RAD21L1: variants seen among roughly 807,000 people sequenced by gnomAD.
RAD21L1 encodes RAD21 cohesin complex component like 1.
Under a neutral mutation model 69.0 loss-of-function variants are expected in RAD21L1, and 47 were observed. The ratio of observed to expected loss-of-function variants is 0.68; its 90% CI spans 0.54 to 0.87. The LOEUF (loss-of-function observed/expected upper bound fraction) is 0.87, where lower values mean the gene tolerates loss of function less well. Ranked by LOEUF, RAD21L1 falls within the 40% of genes least tolerant of loss-of-function variation. The probability of loss-of-function intolerance (pLI) is 0.00; values close to 1 mark genes in which losing one functional copy is unlikely to be tolerated. For missense variants in RAD21L1, 583 were observed against 647.6 expected, an observed-to-expected ratio of 0.90 and a Z score of 1.08; for synonymous variants, 177 against 205.8, an observed-to-expected ratio of 0.86 and a Z score of 1.20.
chr20:1,249,872 A>G (rs993448110), intron 13 of RAD21L1, among the ~76,000 whole-genome samples: 1 of 151,836 alleles, frequency 6.6e-6, no homozygotes, highest in East Asian at 1.9e-4. Flanking sequence ...TTTTATTATT[A>G]TACTTTAAGT....
At position 1,248,610 on chromosome 20, in the gene RAD21L1, T is replaced by G. The variant is rs1208750831; in HGVS notation, c.1402-16T>G. On this transcript the variant is annotated splice_polypyrimidine_tract_variant and intron_variant, in intron 12 of 13. Coordinates refer to ENST00000683101, the MANE Select transcript of RAD21L1 (RefSeq NM_001384355.1). ...AAATTTGCTTAAATTAAATATTTTA[T>G]CTATCATTCAAACAGGAGTCATTGA... 9 of 1,450,048 alleles carry G rather than the reference T, an allele frequency of 6.2e-6. No homozygotes were observed. The highest frequency in any genetic ancestry group is 1.9e-6 in the Non-Finnish European group (2 of 1,066,958). The allele number at this position is 1,450,048 out of a possible 1,614,324, so 89.8% of individuals were successfully genotyped here. A position where few individuals can be genotyped will look rare whatever the true frequency, so the allele number is the denominator to read the frequency against.
At chr20:1,250,734 G>A (rs2087811433) in intron 13 of RAD21L1, among the ~76,000 whole-genome samples, 1 of 152,084 alleles carries the variant, frequency 6.6e-6, no homozygotes, top group African/African-American at 2.4e-5. Context: ...TTTGCTCAGT[G>A]TCTATAAACC....
At chr20:1,244,763 AATAT>A (rs2087686638) in intron 11 of RAD21L1, among the ~76,000 whole-genome samples, 1 of 152,186 alleles carries the variant, frequency 6.6e-6, no homozygotes, top group Non-Finnish European at 1.5e-5. Flanking sequence ...TACAAATATA[AATAT>A]TATAGCCACA....
At chr20:1,229,797 T>C (rs2087353048) in intron 2 of RAD21L1, 83 bp from the exon 3 acceptor site, 20 of 1,080,490 alleles carry the variant, frequency 1.9e-5, no homozygotes, top group South Asian at 1.5e-4. Context: ...AGAGAACCAA[T>C]TCTTACGATG....
At chr20:1,229,174 G>A (rs930431693) in intron 2 of RAD21L1, among the ~76,000 whole-genome samples, 3 of 152,198 alleles carry the variant, frequency 2.0e-5, no homozygotes, top group African/African-American at 7.2e-5. Flanking sequence ...ACAACCCTAT[G>A]AGGTTGGCTT....
intron 7 of RAD21L1, among the ~76,000 whole-genome samples, 183 bp downstream of exon 7, chr20:1,239,590 G>C (rs1168616311): frequency 1.3e-5 from 2 of 152,102 alleles, no homozygotes; most frequent in Admixed American, 6.5e-5. Flanking sequence ...TACACTGAAG[G>C]GTATTTAGCC....
intron 3 of RAD21L1, 36 bp downstream of exon 3, chr20:1,230,045 TC>T: frequency 6.7e-7 from 1 of 1,495,764 alleles, no homozygotes; most frequent in Non-Finnish European, 9.0e-7. Context: ...CCTTCTTGGT[TC>T]CCTTTTGCAT....
intron 13 of RAD21L1, among the ~76,000 whole-genome samples, chr20:1,250,791 C>A (rs992814265): frequency 6.6e-6 from 1 of 152,126 alleles, no homozygotes; most frequent in Non-Finnish European, 1.5e-5. Flanking sequence ...CAAACTCTGA[C>A]AAAAATACCA....
intron 13 of RAD21L1, among the ~76,000 whole-genome samples, chr20:1,249,103 A>G (rs2087774780): frequency 6.6e-6 from 1 of 152,192 alleles, no homozygotes; most frequent in Admixed American, 6.5e-5. Context: ...GCACCATGCA[A>G]TAAGGCTGAA....
intron 13 of RAD21L1, among the ~76,000 whole-genome samples, chr20:1,253,038 G>C (rs1490064781): frequency 6.6e-6 from 1 of 152,118 alleles, no homozygotes; most frequent in Non-Finnish European, 1.5e-5. Context: ...TCTCTCCCAG[G>C]GGGGAAAAGC....
At chr20:1,247,182 C>T (rs1232714151) in intron 12 of RAD21L1, among the ~76,000 whole-genome samples, 1 of 152,118 alleles carries the variant, frequency 6.6e-6, no homozygotes, top group East Asian at 1.9e-4. Context: ...CATACATGGT[C>T]AAGCAAACCA....
chr20:1,254,386 A>C lies in RAD21L1; in HGVS notation c.1597A>C (p.Ile533Leu), dbSNP rs141028795. Reference protein sequence around the residue: ...SFLVLKKQLAIELSQSAPYAD... With the variant: ...SFLVLKKQLALELSQSAPYAD... ...TCTTGTCCTAAAGAAACAGCTGGCTATTGAGCTGAGCCAGAGTGCTCCCTA... is the reference window on the plus strand; with the variant it reads ...TCTTGTCCTAAAGAAACAGCTGGCTCTTGAGCTGAGCCAGAGTGCTCCCTA... Residue 533 changes from isoleucine (I) to leucine (L), a missense_variant, in exon 14 of 14, where the codon ATT becomes CTT. Ile to Leu is a conservative substitution (Grantham distance 5, BLOSUM62 2). Coordinates refer to ENST00000683101, the MANE Select transcript of RAD21L1 (RefSeq NM_001384355.1). The C allele has an allele frequency of 4.0e-4, 618 of 1,551,448 alleles. 5 individuals carry two copies. The African/African-American group carries it at 7.4e-3, about 19-fold the overall frequency.
At chr20:1,250,358 C>T (rs1229366686) in intron 13 of RAD21L1, among the ~76,000 whole-genome samples, 4 of 151,956 alleles carry the variant, frequency 2.6e-5, no homozygotes, top group African/African-American at 9.7e-5. Context: ...CACCCATTAA[C>T]TCATCATTTA....
At chr20:1,242,934 A>G (rs2087645193) in intron 9 of RAD21L1, 89 bp downstream of exon 9, 2 of 978,642 alleles carry the variant, frequency 2.0e-6, no homozygotes, top group Non-Finnish European at 3.1e-6. Flanking sequence ...ACATACATAT[A>G]TAACAGAATT....
At chr20:1,239,134 A>C (rs1298616255) in intron 6 of RAD21L1, among the ~76,000 whole-genome samples, 178 bp from the exon 7 acceptor site, 1 of 152,102 alleles carries the variant, frequency 6.6e-6, no homozygotes, top group East Asian at 1.9e-4. Context: ...GCCAAAATGC[A>C]CGTTTTAAAG....
intron 5 of RAD21L1, among the ~76,000 whole-genome samples, chr20:1,237,423 T>C (rs953195256): frequency 4.6e-5 from 7 of 152,146 alleles, no homozygotes; most frequent in African/African-American, 1.7e-4. Context: ...TGTTTCCTCA[T>C]CTGTACAATG....
intron 8 of RAD21L1, among the ~76,000 whole-genome samples, chr20:1,242,249 T>G (rs955966667): frequency 2.6e-5 from 4 of 152,208 alleles, no homozygotes; most frequent in Admixed American, 2.6e-4. Context: ...TTTTCTCTTT[T>G]GGAGATAGGG....
intron 11 of RAD21L1, among the ~76,000 whole-genome samples, chr20:1,244,811 G>C (rs1321930145): frequency 6.6e-6 from 1 of 152,132 alleles, no homozygotes; most frequent in Non-Finnish European, 1.5e-5. Context: ...TTTATGGTCT[G>C]TTCCATTATC....
rs1299941877 is a variant in RAD21L1 at position 1,246,578 on chromosome 20, AT to A, written c.1401+277del. 1.3e-5 allele frequency among the ~76,000 whole-genome samples: 2 copies of A among 152,124 alleles called. No homozygotes were observed. The highest frequency in any genetic ancestry group is 4.8e-5 in the African/African-American group (2 of 41,436). On this transcript the variant is annotated intron_variant, in intron 12 of 13. Transcript: ENST00000683101. This position sits in a 1 kb window ranked among gnomAD's most constrained non-coding sequence, Gnocchi z 4.6. ...TGTGCTTATCAAAAGTAGTGACAGG[AT>A]TTTAAATGTTGAGAATCACTGTTTT... is the stretch of plus-strand genomic sequence containing the variant.
Sources: gnomAD v4.1 joint callset for allele counts (sites outside exome capture counted in the v4.1 genomes callset) on GRCh38, gnomAD v4.1.1 for gene constraint, Gnocchi (gnomAD v3.1) non-coding constraint, MANE v1.5 for transcripts, NCBI Gene and HGNC (gene_info 2026-07-23, HGNC 2026-07-21) for gene names.